Variants in PLD5 observed in about 807,000 individuals in gnomAD.
PLD5 encodes inactive phospholipase D5.
A neutral mutation model predicts 61.1 loss-of-function variants in PLD5; 36 were observed. The ratio of observed to expected loss-of-function variants is 0.59; its 90% CI spans 0.45 to 0.78. The LOEUF (loss-of-function observed/expected upper bound fraction) is 0.78. Ranked by LOEUF, PLD5 falls within the 30% of genes least tolerant of loss-of-function variation. The probability of loss-of-function intolerance (pLI) is 0.00; values close to 1 mark genes in which losing one functional copy is unlikely to be tolerated. For synonymous variants in PLD5, 243 were observed against 242.8 expected, an observed-to-expected ratio of 1.00 and a Z score of -0.01; for missense variants, 515 against 644.4, an observed-to-expected ratio of 0.80 and a Z score of 2.17.
intron 5 of PLD5, among the ~76,000 whole-genome samples, chr1:242,214,223 G>A (rs72761292): frequency 1.3e-5 from 2 of 152,124 alleles, no homozygotes; most frequent in Non-Finnish European, 2.9e-5. Flanking sequence ...CAGCAGTTTG[G>A]TGGAGACCAC....
At chr1:242,384,495 A>G (rs1662483647) in intron 1 of PLD5, among the ~76,000 whole-genome samples, 1 of 152,266 alleles carries the variant, frequency 6.6e-6, no homozygotes, top group Non-Finnish European at 1.5e-5. Flanking sequence ...AGAACATTAA[A>G]GAATTGTATC....
intron 9 of PLD5, among the ~76,000 whole-genome samples, chr1:242,091,764 C>G (rs535200106): frequency 6.6e-6 from 1 of 152,016 alleles, no homozygotes; most frequent in African/African-American, 2.4e-5. Flanking sequence ...CCTCCACTTG[C>G]TTTCTGTGGA....
At chr1:242,305,431 C>T (rs968842462) in intron 2 of PLD5, among the ~76,000 whole-genome samples, 1 of 152,212 alleles carries the variant, frequency 6.6e-6, no homozygotes, top group African/African-American at 2.4e-5. Context: ...TTGAATCTCT[C>T]AAAACATGCA....
intron 1 of PLD5, among the ~76,000 whole-genome samples, chr1:242,354,836 A>G (rs1036960932): frequency 5.3e-5 from 8 of 151,764 alleles, no homozygotes; most frequent in African/African-American, 1.9e-4. Context: ...TTACCATGAA[A>G]GGATGTTAAA....
chr1:242,488,325 C>T (rs892681572), intron 1 of PLD5, among the ~76,000 whole-genome samples: 6 of 152,082 alleles, frequency 3.9e-5, no homozygotes, highest in Non-Finnish European at 8.8e-5. Flanking sequence ...ATCAAGATGT[C>T]CTTCAAGGGA....
intron 3 of PLD5, among the ~76,000 whole-genome samples, chr1:242,287,333 A>T (rs1675083412): frequency 6.6e-6 from 1 of 152,188 alleles, no homozygotes; most frequent in African/African-American, 2.4e-5. Context: ...AATAGATACT[A>T]TTTCTTTAAA....
At chr1:242,131,927 T>C (rs981595936) in intron 5 of PLD5, among the ~76,000 whole-genome samples, 3 of 146,870 alleles carry the variant, frequency 2.0e-5, no homozygotes, top group Admixed American at 7.0e-5. Context: ...CTCTGCCTCC[T>C]GGGTTCAAGC....
chr1:242,117,422 C>T (rs551470297), intron 6 of PLD5, among the ~76,000 whole-genome samples: 2 of 151,926 alleles, frequency 1.3e-5, no homozygotes, highest in South Asian at 2.1e-4. Flanking sequence ...TGCTCTGTTG[C>T]CCAGGCTGGA....
intron 5 of PLD5, among the ~76,000 whole-genome samples, chr1:242,156,297 CTT>C (rs1229064419): frequency 6.6e-6 from 1 of 152,140 alleles, no homozygotes; most frequent in Non-Finnish European, 1.5e-5. Context: ...GGTCTTGACT[CTT>C]TATCCAATTT....
chr1:242,408,037 T>C (rs1437069322), intron 1 of PLD5, among the ~76,000 whole-genome samples: 1 of 149,790 alleles, frequency 6.7e-6, no homozygotes, highest in Non-Finnish European at 1.5e-5. Flanking sequence ...AGTAAATGGG[T>C]CTTCATAATT....
chr1:242,229,512 T>C (rs1030668497), intron 4 of PLD5, among the ~76,000 whole-genome samples: 5 of 152,232 alleles, frequency 3.3e-5, no homozygotes, highest in African/African-American at 1.2e-4. Flanking sequence ...GCATATCCTG[T>C]TGAAATTGAG....
chr1:242,363,760 A>G (rs1661197030), intron 1 of PLD5, among the ~76,000 whole-genome samples: 1 of 152,222 alleles, frequency 6.6e-6, no homozygotes, highest in African/African-American at 2.4e-5. Flanking sequence ...ATGTTTGAGA[A>G]GCTAAGTATG....
chr1:242,325,321 T>G (rs1658678500), intron 2 of PLD5, among the ~76,000 whole-genome samples: 1 of 146,810 alleles, frequency 6.8e-6, no homozygotes, highest in African/African-American at 2.5e-5. Context: ...GTGACTGGGC[T>G]GACTCCATAG....
chr1:242,292,551 T>C (rs1574678451), intron 2 of PLD5, among the ~76,000 whole-genome samples: 1 of 152,220 alleles, frequency 6.6e-6, no homozygotes, highest in African/African-American at 2.4e-5. Context: ...TGGAAATCCT[T>C]AGACCAGGTG....
At chr1:242,189,421 G>C (rs1668102487) in intron 5 of PLD5, among the ~76,000 whole-genome samples, 1 of 141,966 alleles carries the variant, frequency 7.0e-6, no homozygotes, top group Admixed American at 7.3e-5. Context: ...ACTCCAGCCT[G>C]GGTGACAGAG....
At chr1:242,272,982 A>G (rs1380646857) in intron 3 of PLD5, among the ~76,000 whole-genome samples, 1 of 152,108 alleles carries the variant, frequency 6.6e-6, no homozygotes, top group African/African-American at 2.4e-5. Context: ...ATAGGTATAC[A>G]TGTGCCATGG....
intron 1 of PLD5, among the ~76,000 whole-genome samples, chr1:242,493,366 G>A (rs1668234476): frequency 6.6e-6 from 1 of 152,174 alleles, no homozygotes; most frequent in Non-Finnish European, 1.5e-5. Context: ...AAGCCTTCAT[G>A]CTGAAGCCTC....
chr1:242,126,653 ATCAAC>A (rs748080992), intron 5 of PLD5, among the ~76,000 whole-genome samples: 1 of 152,228 alleles, frequency 6.6e-6, no homozygotes, highest in Non-Finnish European at 1.5e-5. Context: ...TTCTACAAAA[ATCAAC>A]TCAAGGTGGG....
At chr1:242,147,755 C>T (rs1393836243) in intron 5 of PLD5, among the ~76,000 whole-genome samples, 1 of 152,122 alleles carries the variant, frequency 6.6e-6, no homozygotes, top group Non-Finnish European at 1.5e-5. Flanking sequence ...TTTTAATTTG[C>T]ATTTCTTTAA....
Sources: allele counts gnomAD v4.1 joint callset (sites outside exome capture counted in the v4.1 genomes callset), GRCh38; gene constraint gnomAD v4.1.1; transcripts MANE v1.5; gene names NCBI Gene and HGNC (gene_info 2026-07-23, HGNC 2026-07-21).